Variants in FSHR observed in about 807,000 individuals in gnomAD.
FSHR encodes the protein follicle-stimulating hormone receptor.
FSHR carries 46 observed loss-of-function variants against 52.1 expected under a neutral mutation model. That is an observed-to-expected ratio of 0.88 (90% CI 0.70 to 1.13). FSHR has a LOEUF of 1.13. Ranked by LOEUF, FSHR falls within the 50% of genes most tolerant of loss-of-function variation. The probability of loss-of-function intolerance (pLI) is 0.00; values close to 1 mark genes in which losing one functional copy is unlikely to be tolerated. For synonymous variants in FSHR, 399 were observed against 309.6 expected (o/e 1.29, Z -3.03); for missense variants, 964 against 834.6 (o/e 1.16, Z -1.91).
chr2:49,132,593 C>G (rs1672321259), intron 1 of FSHR, among the ~76,000 whole-genome samples: 1 of 152,054 alleles, frequency 6.6e-6, no homozygotes. Flanking sequence ...ACTAATAATG[C>G]ACATGGGACA....
intron 4 of FSHR, among the ~76,000 whole-genome samples, chr2:49,006,586 T>C (rs1263975024): frequency 6.6e-6 from 1 of 152,112 alleles, no homozygotes; most frequent in Admixed American, 6.6e-5. Context: ...CTCCAAATCA[T>C]ATTTATCACT....
chr2:49,115,097 A>T (rs1671553375), intron 1 of FSHR, among the ~76,000 whole-genome samples: 1 of 149,224 alleles, frequency 6.7e-6, no homozygotes, highest in African/African-American at 2.5e-5. Flanking sequence ...TAAACCTTAG[A>T]GTGGTATGTG....
chr2:49,042,438 G>C (rs1050582877), intron 2 of FSHR, among the ~76,000 whole-genome samples: 5 of 152,194 alleles, frequency 3.3e-5, no homozygotes, highest in African/African-American at 1.2e-4. Context: ...TCAGGGCAAT[G>C]GGATAAGTCT....
intron 4 of FSHR, 126 bp from the exon 5 acceptor site, chr2:48,990,763 G>A (rs1394569145): frequency 1.1e-5 from 8 of 715,094 alleles, no homozygotes; most frequent in South Asian, 6.0e-5. Flanking sequence ...AGAAAAGCCC[G>A]TATATACGTG....
At chr2:48,978,097 A>G (rs1463607190) in intron 8 of FSHR, among the ~76,000 whole-genome samples, 1 of 152,194 alleles carries the variant, frequency 6.6e-6, no homozygotes, top group Admixed American at 6.5e-5. Context: ...TTGTTTCCAC[A>G]TTGTTAGTAC....
intron 4 of FSHR, chr2:48,997,378 C>G (rs1559116862): frequency 1.0e-6 from 1 of 984,982 alleles, no homozygotes; most frequent in Non-Finnish European, 1.2e-6. Flanking sequence ...ATTTAAGGAG[C>G]TCAAGGGTAA....
At chr2:49,122,556 T>C (rs889174656) in intron 1 of FSHR, among the ~76,000 whole-genome samples, 1 of 152,216 alleles carries the variant, frequency 6.6e-6, no homozygotes, top group Non-Finnish European at 1.5e-5. Flanking sequence ...GAGTGTTGTA[T>C]ACCTCATGAC....
intron 1 of FSHR, among the ~76,000 whole-genome samples, chr2:49,136,511 A>G (rs1402583526): frequency 1.3e-5 from 2 of 152,106 alleles, no homozygotes; most frequent in African/African-American, 2.4e-5. Flanking sequence ...CACTCATTCT[A>G]TGAGGCCAGT....
chr2:48,962,710 C>A lies in FSHR; in HGVS notation c.*23G>T. The A allele has an allele frequency of 6.2e-7, 1 of 1,607,506 alleles. No homozygotes were observed. Among genetic ancestry groups the A allele is most frequent in the South Asian group, 1.1e-5 (1 of 90,904 alleles). ...CAAGACTGAATTATCATTCAATACT[C>A]AGATACATTTTCACATTGTGTTTTA... On this transcript the variant is annotated 3_prime_UTR_variant, in exon 10 of 10. Coordinates refer to ENST00000406846, the MANE Select transcript of FSHR (RefSeq NM_000145.4).
rs772228275 is a variant in FSHR, at chr2:48,963,588, A to G, written c.1233T>C (p.Ile411=). 1.9e-6 allele frequency: 3 copies of G among 1,614,198 alleles called. No individual in the cohort carries two copies. The highest frequency in any genetic ancestry group is 3.3e-5 in the Admixed American group (2 of 60,026). The part of the protein sequence containing the change: ...MCNLAFADLC[I]GIYLLLIASV... ...ATGCAATGAGCAGCAGGTAGATTCCAATGCAGAGATCAGCAAAGGCCAGGT... is the reference window on the plus strand; with the variant it reads ...ATGCAATGAGCAGCAGGTAGATTCCGATGCAGAGATCAGCAAAGGCCAGGT... The change falls in exon 10 of 10, where the codon ATT becomes ATC. Residue 411 remains isoleucine, a synonymous_variant. Transcript: ENST00000406846.
chr2:49,060,661 C>T (rs946473399), intron 2 of FSHR, among the ~76,000 whole-genome samples: 6 of 152,158 alleles, frequency 3.9e-5, no homozygotes, highest in South Asian at 2.1e-4. Context: ...AGTATCCTGC[C>T]GCCCAGGCAA....
intron 2 of FSHR, among the ~76,000 whole-genome samples, chr2:49,024,181 C>T (rs939758909): frequency 7.9e-5 from 12 of 151,984 alleles, no homozygotes; most frequent in Admixed American, 2.6e-4. Flanking sequence ...ACTAGGATTT[C>T]GATGACATGA....
At chr2:48,988,311 C>T (rs961232641) in intron 6 of FSHR, among the ~76,000 whole-genome samples, 5 of 151,994 alleles carry the variant, frequency 3.3e-5, no homozygotes, top group African/African-American at 1.2e-4. Context: ...TTGCTGGGTC[C>T]CCAAATGTCA....
At chr2:49,091,497 A>G (rs1670606217) in intron 1 of FSHR, among the ~76,000 whole-genome samples, 1 of 152,054 alleles carries the variant, frequency 6.6e-6, no homozygotes, top group East Asian at 1.9e-4. Context: ...GGGTCTCACC[A>G]TGTTGCCCAG....
intron 6 of FSHR, among the ~76,000 whole-genome samples, chr2:48,983,970 C>T (rs1438367717): frequency 1.3e-5 from 2 of 152,084 alleles, no homozygotes; most frequent in African/African-American, 2.4e-5. Context: ...GATCTGAAAA[C>T]AAAAACAGAT....
chr2:49,056,612 A>G (rs1329827425), intron 2 of FSHR, among the ~76,000 whole-genome samples: 1 of 151,940 alleles, frequency 6.6e-6, no homozygotes, highest in Non-Finnish European at 1.5e-5. Context: ...GATTGTTTAG[A>G]GTGAAAATCA....
At chr2:49,082,615 G>A (rs1670218250) in intron 1 of FSHR, among the ~76,000 whole-genome samples, 2 of 152,084 alleles carry the variant, frequency 1.3e-5, no homozygotes, top group Admixed American at 6.5e-5. Flanking sequence ...TTAGAAGAAT[G>A]TATAACTAGA....
At chr2:49,096,404 G>A (rs1294007022) in intron 1 of FSHR, among the ~76,000 whole-genome samples, 1 of 152,210 alleles carries the variant, frequency 6.6e-6, no homozygotes, top group Non-Finnish European at 1.5e-5. Flanking sequence ...CCCAGAATGG[G>A]CAAATATATA....
chr2:49,109,138 G>A (rs183259867), intron 1 of FSHR, among the ~76,000 whole-genome samples: 1 of 152,128 alleles, frequency 6.6e-6, no homozygotes, highest in Non-Finnish European at 1.5e-5. Context: ...AGTATATTTG[G>A]CTGTGCATAA....
Sources: allele counts gnomAD v4.1 joint callset (sites outside exome capture counted in the v4.1 genomes callset), GRCh38; gene constraint gnomAD v4.1.1; transcripts MANE v1.5; gene names NCBI Gene and HGNC (gene_info 2026-07-23, HGNC 2026-07-21).